ERG: variants seen among roughly 807,000 people sequenced by gnomAD.
ERG encodes the protein ETS transcription factor ERG.
In ERG, 9 loss-of-function variants were observed where a neutral mutation model predicts 55.3. The observed-to-expected ratio is 0.16, with a 90% confidence interval of 0.10 to 0.28. The LOEUF is 0.28. Ranked by LOEUF, ERG falls within the 10% of genes least tolerant of loss-of-function variation. ERG has a pLI of 1.00. For missense variants in ERG, 434 were observed against 631.6 expected (o/e 0.69, Z 3.35); for synonymous variants, 223 against 237.3 (o/e 0.94, Z 0.55).
At chr21:38,438,679 G>A (rs764882245) in intron 2 of ERG, among the ~76,000 whole-genome samples, 2 of 152,232 alleles carry the variant, frequency 1.3e-5, no homozygotes, top group Admixed American at 6.5e-5. Context: ...CCAATGTGGC[G>A]GGAGGGAAGG....
intron 1 of ERG, chr21:38,471,637 C>T (rs1400899915): frequency 1.3e-5 from 2 of 151,986 alleles, no homozygotes; most frequent in African/African-American, 4.8e-5. Context: ...AATGACCAAA[C>T]TATAATTAGT....
chr21:38,655,870 T>G (rs758202385), intron 1 of ERG, among the ~76,000 whole-genome samples: 12 of 152,234 alleles, frequency 7.9e-5, no homozygotes, highest in Non-Finnish European at 1.3e-4. Flanking sequence ...TACCCAGCTC[T>G]GCCCCCTCAA....
At chr21:38,614,368 T>A (rs910563905) in intron 1 of ERG, among the ~76,000 whole-genome samples, 5 of 152,188 alleles carry the variant, frequency 3.3e-5, no homozygotes, top group African/African-American at 1.2e-4. Flanking sequence ...CCAGGCTTCC[T>A]TATAAGATGT....
chr21:38,448,553 C>T (rs1280764045), intron 1 of ERG, among the ~76,000 whole-genome samples: 2 of 152,082 alleles, frequency 1.3e-5, no homozygotes, highest in Non-Finnish European at 2.9e-5. Context: ...AAGTACAGCT[C>T]AGGAAAAGGA....
In ERG at chr21:38,381,072, G is replaced by A; in HGVS notation, c.*2331C>T. The A allele has an allele frequency of 9.4e-7, 1 of 1,064,764 alleles. No individual in the cohort carries two copies. The allele number at this position is 1,064,764 out of a possible 1,614,324, so 66.0% of individuals were successfully genotyped here. A position where few individuals can be genotyped will look rare whatever the true frequency, so the allele number is the denominator to read the frequency against. ...GCTGCTGCAAAATGATGGATGGTTG[G>A]GCTCCGTCTAATCCAAATGACACGG... On this transcript the variant is annotated 3_prime_UTR_variant, in exon 10 of 10. Transcript: ENST00000288319.
At position 38,382,482 on chromosome 21, in the gene ERG, G is replaced by A. The variant is rs955487799; in HGVS notation, c.*921C>T. 45 of 1,063,704 alleles carry A rather than the reference G, an allele frequency of 4.2e-5. No homozygotes were observed. Among genetic ancestry groups the A allele is most frequent in the African/African-American group, 8.2e-5 (5 of 60,972 alleles). The allele number at this position is 1,063,704 out of a possible 1,614,324, so 65.9% of individuals were successfully genotyped here. A position where few individuals can be genotyped will look rare whatever the true frequency, so the allele number is the denominator to read the frequency against. On this transcript the variant is annotated 3_prime_UTR_variant, in exon 10 of 10. Coordinates refer to ENST00000288319, the MANE Select transcript of ERG (RefSeq NM_182918.4). ...ATTTGACAAACAAAGAAAGAGATGCGCATTTTTGTTTCTGAATTCTACTAC... is the reference window on the plus strand; with the variant it reads ...ATTTGACAAACAAAGAAAGAGATGCACATTTTTGTTTCTGAATTCTACTAC...
intron 2 of ERG, among the ~76,000 whole-genome samples, chr21:38,426,363 T>C (rs1381735677): frequency 3.3e-5 from 5 of 152,178 alleles, no homozygotes; most frequent in Non-Finnish European, 7.4e-5. Context: ...GTAGAGTGTA[T>C]ATGTTTTGGT....
At chr21:38,422,190 G>A (rs988228323) in intron 3 of ERG, among the ~76,000 whole-genome samples, 1 of 152,264 alleles carries the variant, frequency 6.6e-6, no homozygotes, top group African/African-American at 2.4e-5. Context: ...CGGATACTTG[G>A]TGAAGGAAAA....
At chr21:38,550,886 T>C (rs1051505770) in intron 2 of ERG, among the ~76,000 whole-genome samples, 3 of 152,172 alleles carry the variant, frequency 2.0e-5, no homozygotes, top group African/African-American at 4.8e-5. Context: ...CAGTCAGGAA[T>C]TGACAGACGA....
intron 2 of ERG, among the ~76,000 whole-genome samples, chr21:38,506,024 T>TG (rs1384329624): frequency 6.6e-6 from 1 of 151,800 alleles, no homozygotes; most frequent in African/African-American, 2.4e-5. Context: ...AAATGGTGTT[T>TG]TTTTTTGAAA....
At chr21:38,634,952 T>C (rs1278064512) in intron 1 of ERG, among the ~76,000 whole-genome samples, 2 of 151,936 alleles carry the variant, frequency 1.3e-5, no homozygotes, top group East Asian at 3.9e-4. Context: ...ATCAAGACAA[T>C]GGAATATTAT....
chr21:38,468,982 C>CAA (rs1261630693), intron 1 of ERG, among the ~76,000 whole-genome samples: 61 of 28,964 alleles, frequency 2.1e-3, no homozygotes, highest in African/African-American at 2.8e-3. Context: ...GACTCTGTCT[C>CAA]AAAAAAAAAA....
chr21:38,493,764 C>T (rs1850249775), intron 1 of ERG, among the ~76,000 whole-genome samples: 1 of 152,166 alleles, frequency 6.6e-6, no homozygotes, highest in South Asian at 2.1e-4. Flanking sequence ...GGTACCTGCC[C>T]TGCTACACCT....
intron 1 of ERG, among the ~76,000 whole-genome samples, chr21:38,605,370 C>G (rs1188542087): frequency 6.6e-6 from 1 of 152,148 alleles, no homozygotes; most frequent in Non-Finnish European, 1.5e-5. Context: ...AGTCTGAAAT[C>G]ACCACATGGT....
intron 1 of ERG, among the ~76,000 whole-genome samples, chr21:38,455,000 A>G (rs1172883093): frequency 6.6e-6 from 1 of 152,194 alleles, no homozygotes; most frequent in Non-Finnish European, 1.5e-5. Flanking sequence ...GGAAGGAATG[A>G]ATCCTGGTAC....
chr21:38,481,203 G>C (rs1294864650), intron 1 of ERG, among the ~76,000 whole-genome samples: 1 of 152,124 alleles, frequency 6.6e-6, no homozygotes, highest in Non-Finnish European at 1.5e-5. Context: ...CTAGATTATA[G>C]TTCTTCTAGG....
chr21:38,430,263 T>C (rs1990143823), intron 2 of ERG, among the ~76,000 whole-genome samples: 1 of 152,186 alleles, frequency 6.6e-6, no homozygotes, highest in Non-Finnish European at 1.5e-5. Flanking sequence ...TTGATGAAAT[T>C]ATTTATTTTT....
At chr21:38,563,655 T>C (rs1012944154) in intron 2 of ERG, among the ~76,000 whole-genome samples, 4 of 152,270 alleles carry the variant, frequency 2.6e-5, no homozygotes, top group African/African-American at 9.6e-5. Context: ...GTTTCATTGT[T>C]GCCATTGCTT....
At chr21:38,505,825 G>A (rs887600640) in intron 2 of ERG, among the ~76,000 whole-genome samples, 1 of 152,150 alleles carries the variant, frequency 6.6e-6, no homozygotes, top group African/African-American at 2.4e-5. Context: ...GACATGAGTC[G>A]TGCAGGGAAG....
Sources: gnomAD v4.1 joint callset for allele counts (sites outside exome capture counted in the v4.1 genomes callset) on GRCh38, gnomAD v4.1.1 for gene constraint, MANE v1.5 for transcripts, NCBI Gene and HGNC (gene_info 2026-07-23, HGNC 2026-07-21) for gene names.